CSMD1: variants seen among roughly 807,000 people sequenced by gnomAD.
The protein encoded by CSMD1 is CUB and Sushi multiple domains 1.
CSMD1 carries 213 observed loss-of-function variants against 417.5 expected under a neutral mutation model. The ratio of observed to expected loss-of-function variants is 0.51; its 90% CI spans 0.46 to 0.57. CSMD1 has a LOEUF of 0.57. Ranked by LOEUF, CSMD1 falls within the 20% of genes least tolerant of loss-of-function variation. The pLI is 0.00. For synonymous variants in CSMD1, 2,862 were observed against 1,736.8 expected (o/e 1.65, Z -16.11); for missense variants, 6,923 against 4,529.7 (o/e 1.53, Z -15.17).
At chr8:4,312,457 A>ACGTG (rs1798680646) in intron 3 of CSMD1, among the ~76,000 whole-genome samples, 1 of 147,438 alleles carries the variant, frequency 6.8e-6, no homozygotes, top group African/African-American at 2.5e-5. Flanking sequence ...ATACGTATAT[A>ACGTG]TATGCGCGTA....
At chr8:4,825,391 G>C (rs1030253103) in intron 1 of CSMD1, among the ~76,000 whole-genome samples, 4 of 152,062 alleles carry the variant, frequency 2.6e-5, no homozygotes, top group African/African-American at 9.7e-5. Context: ...CAGTTATTCA[G>C]CATATAATGC....
At chr8:4,079,044 C>A (rs887040873) in intron 3 of CSMD1, among the ~76,000 whole-genome samples, 13 of 151,406 alleles carry the variant, frequency 8.6e-5, no homozygotes, top group African/African-American at 3.2e-4. Context: ...ATGGACCCGA[C>A]CACAAGAGTG....
chr8:3,916,121 C>T (rs571493713), intron 5 of CSMD1, among the ~76,000 whole-genome samples: 5 of 151,612 alleles, frequency 3.3e-5, no homozygotes, highest in Admixed American at 6.6e-5. Context: ...AGATAACATG[C>T]CAGTAAATTT....
chr8:4,355,962 G>A (rs375604822), intron 3 of CSMD1, among the ~76,000 whole-genome samples: 24 of 152,206 alleles, frequency 1.6e-4, no homozygotes, highest in African/African-American at 5.8e-4. Flanking sequence ...TTTTTTTATG[G>A]ATGTTCTTTC....
intron 5 of CSMD1, among the ~76,000 whole-genome samples, chr8:3,882,257 A>G (rs1189411312): frequency 1.3e-5 from 2 of 152,216 alleles, no homozygotes; most frequent in Non-Finnish European, 2.9e-5. Context: ...GACACTTATT[A>G]GAAAAAGACA....
intron 3 of CSMD1, among the ~76,000 whole-genome samples, chr8:4,097,904 G>C (rs1411671299): frequency 2.0e-5 from 3 of 152,048 alleles, no homozygotes; most frequent in African/African-American, 4.8e-5. Flanking sequence ...CTGAACATTT[G>C]GAAGAAAAAG....
intron 5 of CSMD1, among the ~76,000 whole-genome samples, chr8:3,962,421 C>G (rs1231042560): frequency 1.3e-5 from 2 of 152,176 alleles, no homozygotes; most frequent in Non-Finnish European, 2.9e-5. Flanking sequence ...GGTCTACCAC[C>G]CTCACCTCTC....
At chr8:3,604,512 C>A (rs1249311579) in intron 8 of CSMD1, among the ~76,000 whole-genome samples, 2 of 151,788 alleles carry the variant, frequency 1.3e-5, no homozygotes, top group Non-Finnish European at 2.9e-5. Context: ...AAGAGGAGAG[C>A]CAATACCACA....
At chr8:3,165,067 C>T (rs183390023) in intron 37 of CSMD1, among the ~76,000 whole-genome samples, 3 of 151,620 alleles carry the variant, frequency 2.0e-5, no homozygotes, top group African/African-American at 4.8e-5. Flanking sequence ...CCATTTTGAC[C>T]GGTGTTTAAC....
intron 41 of CSMD1, among the ~76,000 whole-genome samples, chr8:3,131,572 A>C (rs914266247): frequency 1.3e-5 from 2 of 151,724 alleles, no homozygotes; most frequent in African/African-American, 4.8e-5. Context: ...CCTGGGTTCA[A>C]GCAATTCTCC....
At chr8:4,446,706 C>T (rs1798810949) in intron 2 of CSMD1, among the ~76,000 whole-genome samples, 1 of 147,062 alleles carries the variant, frequency 6.8e-6, no homozygotes, top group South Asian at 2.1e-4. Context: ...GTGCCCACCA[C>T]CATGCCTGAG....
chr8:4,071,279 T>C (rs1799542224), intron 3 of CSMD1, among the ~76,000 whole-genome samples: 1 of 152,188 alleles, frequency 6.6e-6, no homozygotes, highest in Non-Finnish European at 1.5e-5. Flanking sequence ...TGTTATATTT[T>C]TTCAGTCTTA....
chr8:4,374,059 A>G (rs1410650388), intron 3 of CSMD1, among the ~76,000 whole-genome samples: 2 of 152,202 alleles, frequency 1.3e-5, no homozygotes, highest in Admixed American at 1.3e-4. Flanking sequence ...GAACTTAAAT[A>G]ATATAATCAA....
chr8:3,577,736 T>G (rs1199829167), intron 9 of CSMD1, among the ~76,000 whole-genome samples: 1 of 152,252 alleles, frequency 6.6e-6, no homozygotes, highest in African/African-American at 2.4e-5. Context: ...TTCTCAATGT[T>G]TGCCTTTCTA....
At chr8:4,975,782 T>A (rs1445658521) in intron 1 of CSMD1, among the ~76,000 whole-genome samples, 1 of 152,124 alleles carries the variant, frequency 6.6e-6, no homozygotes, top group Admixed American at 6.6e-5. Flanking sequence ...TATGACCAGT[T>A]GTGGAGGAGT....
chr8:4,585,658 C>T (rs1464336771), intron 2 of CSMD1, among the ~76,000 whole-genome samples: 1 of 152,044 alleles, frequency 6.6e-6, no homozygotes, highest in Admixed American at 6.6e-5. Context: ...ATAAAAGTTA[C>T]AGAAGATTTT....
intron 7 of CSMD1, among the ~76,000 whole-genome samples, chr8:3,679,478 G>T (rs1799542266): frequency 6.6e-6 from 1 of 152,148 alleles, no homozygotes; most frequent in Non-Finnish European, 1.5e-5. Context: ...TCAACAAGAA[G>T]AGCTAACTAT....
intron 2 of CSMD1, among the ~76,000 whole-genome samples, chr8:4,461,477 T>C (rs920321689): frequency 1.3e-5 from 2 of 148,918 alleles, no homozygotes; most frequent in South Asian, 4.2e-4. Context: ...TTAAAAACTA[T>C]TAGAATTTAA....
chr8:3,694,163 C>T (rs1407235836), intron 7 of CSMD1, among the ~76,000 whole-genome samples: 2 of 151,800 alleles, frequency 1.3e-5, no homozygotes, highest in South Asian at 2.1e-4. Flanking sequence ...GAGAGGGGCT[C>T]ACAGATCTCA....
Sources: allele counts gnomAD v4.1 joint callset (sites outside exome capture counted in the v4.1 genomes callset), GRCh38; gene constraint gnomAD v4.1.1; transcripts MANE v1.5; gene names NCBI Gene and HGNC (gene_info 2026-07-23, HGNC 2026-07-21).